The following ADAM9 variants were observed in gnomAD, a reference collection of about 807,000 sequenced individuals.
ADAM9 encodes the protein ADAM metallopeptidase domain 9.
In ADAM9, 54 loss-of-function variants were observed where a neutral mutation model predicts 108.1. That is an observed-to-expected ratio of 0.50 (90% confidence interval 0.40 to 0.63). The LOEUF (loss-of-function observed/expected upper bound fraction) is 0.63, where lower values mean the gene tolerates loss of function less well. Ranked by LOEUF, ADAM9 falls within the 20% of genes least tolerant of loss-of-function variation. The probability of loss-of-function intolerance (pLI) is 0.00; values close to 1 mark genes in which losing one functional copy is unlikely to be tolerated. For synonymous variants in ADAM9, 316 were observed against 336.0 expected (o/e 0.94, Z 0.65); for missense variants, 830 against 997.7 (o/e 0.83, Z 2.26).
intron 20 of ADAM9, 126 bp from the exon 21 acceptor site, chr8:39,101,737 G>A (rs1839701125): frequency 3.6e-6 from 3 of 825,916 alleles, no homozygotes; most frequent in Non-Finnish European, 5.7e-6. Context: ...CTGGTTCTAA[G>A]CATTTCTGAT....
At position 39,073,809 on chromosome 8, in the gene ADAM9, A is replaced by G. The variant is rs559522882; in HGVS notation, c.1697+2406A>G. Among the ~76,000 whole-genome samples the G allele has an allele frequency of 7.2e-5, 11 of 152,286 alleles. No homozygotes were observed. In the East Asian group the frequency reaches 2.1e-3, roughly 29 times the overall value. Reference sequence around the variant, plus strand: ...GCAACTATACTTATCAAACTTTAAAATTACTGAGTCATTTAGGAAGCATTT... The same window carrying G: ...GCAACTATACTTATCAAACTTTAAAGTTACTGAGTCATTTAGGAAGCATTT... On this transcript the variant is annotated intron_variant, in intron 15 of 21. Transcript: ENST00000487273.
intron 6 of ADAM9, among the ~76,000 whole-genome samples, chr8:39,018,055 T>A (rs1385494854): frequency 6.6e-6 from 1 of 152,212 alleles, no homozygotes; most frequent in Non-Finnish European, 1.5e-5. Context: ...TATGTCTGAG[T>A]CCCTCTTTGG....
intron 20 of ADAM9, among the ~76,000 whole-genome samples, chr8:39,091,676 G>A (rs1025435483): frequency 2.0e-5 from 3 of 152,010 alleles, no homozygotes; most frequent in African/African-American, 4.8e-5. Context: ...TCATAGAGAC[G>A]GGGTCTCACC....
At chr8:39,016,420 A>G (rs1836528707) in intron 5 of ADAM9, among the ~76,000 whole-genome samples, 1 of 152,130 alleles carries the variant, frequency 6.6e-6, no homozygotes, top group Admixed American at 6.5e-5. Flanking sequence ...TTTTTTTGAG[A>G]CCACTAAATC....
chr8:39,065,503 T>TA (rs1838432371), intron 14 of ADAM9, among the ~76,000 whole-genome samples: 1 of 151,204 alleles, frequency 6.6e-6, no homozygotes, highest in Admixed American at 6.6e-5. Context: ...AAATACCAAA[T>TA]AAAAAAATTA....
At chr8:39,022,487 CATTGAT>C (rs1427427757) in intron 8 of ADAM9, among the ~76,000 whole-genome samples, 1 of 152,122 alleles carries the variant, frequency 6.6e-6, no homozygotes, top group East Asian at 1.9e-4. Flanking sequence ...TAATCAGACT[CATTGAT>C]ATTTCTGCAG....
intron 1 of ADAM9, among the ~76,000 whole-genome samples, chr8:39,003,042 A>G (rs1014292545): frequency 2.0e-5 from 3 of 151,810 alleles, no homozygotes; most frequent in Non-Finnish European, 4.4e-5. Context: ...AGGCCTGGCT[A>G]ATTTTGCATG....
chr8:39,044,308 T>C (rs1837543528), intron 12 of ADAM9, among the ~76,000 whole-genome samples: 1 of 152,170 alleles, frequency 6.6e-6, no homozygotes, highest in African/African-American at 2.4e-5. Flanking sequence ...TTTTGCATGT[T>C]GATATCCAGT....
At chr8:39,022,039 C>T (rs1261103424) in intron 8 of ADAM9, among the ~76,000 whole-genome samples, 1 of 149,894 alleles carries the variant, frequency 6.7e-6, no homozygotes, top group Non-Finnish European at 1.5e-5. Context: ...CTGCCTTCTA[C>T]CCTGAAAACA....
At chr8:39,083,199 A>C in intron 18 of ADAM9, 126 bp downstream of exon 18, 1 of 748,900 alleles carries the variant, frequency 1.3e-6, no homozygotes, top group Non-Finnish European at 2.3e-6. Context: ...CAGCCTCCTA[A>C]ATTCCTTGTG....
At position 39,040,685 on chromosome 8, in the gene ADAM9, T is replaced by A. The variant is rs184425031; in HGVS notation, c.1131-1261T>A. On this transcript the variant is annotated intron_variant, in intron 11 of 21. Coordinates refer to ENST00000487273, the MANE Select transcript of ADAM9 (RefSeq NM_003816.3). ...ATTTTGTTGGTTGTTATCTTTGCTG[T>A]GCAGAGCTTTTTAGTTTGATAGCTA... Among the ~76,000 whole-genome samples, 3 of 152,330 alleles carry A rather than the reference T, an allele frequency of 2.0e-5. No individual in the cohort carries two copies. In the East Asian group the frequency reaches 5.8e-4, roughly 29 times the overall value.
At chr8:39,099,459 G>A (rs1839615018) in intron 20 of ADAM9, among the ~76,000 whole-genome samples, 1 of 152,004 alleles carries the variant, frequency 6.6e-6, no homozygotes, top group South Asian at 2.1e-4. Flanking sequence ...TGGACATTTG[G>A]TCCACTATTT....
At chr8:39,078,995 C>A (rs974139656) in intron 16 of ADAM9, among the ~76,000 whole-genome samples, 2 of 152,106 alleles carry the variant, frequency 1.3e-5, no homozygotes, top group African/African-American at 4.8e-5. Context: ...TCTCACTGTT[C>A]ACTGGGCATA....
chr8:39,051,958 A>G (rs1488843258), intron 12 of ADAM9, among the ~76,000 whole-genome samples: 3 of 152,150 alleles, frequency 2.0e-5, no homozygotes, highest in African/African-American at 7.2e-5. Flanking sequence ...GTGTATATAT[A>G]CAGATATACA....
At chr8:39,027,440 C>T (rs895505915) in intron 11 of ADAM9, among the ~76,000 whole-genome samples, 1 of 152,202 alleles carries the variant, frequency 6.6e-6, no homozygotes, top group Non-Finnish European at 1.5e-5. Context: ...TATCCACTCA[C>T]TTACTACTCA....
chr8:39,040,525 C>G (rs117540209), intron 11 of ADAM9, among the ~76,000 whole-genome samples: 1 of 151,998 alleles, frequency 6.6e-6, no homozygotes, highest in African/African-American at 2.4e-5. Context: ...TTTTAAAAAT[C>G]GAGTTATTTG....
intron 6 of ADAM9, 172 bp from the exon 7 acceptor site, chr8:39,018,681 A>G: frequency 1.5e-6 from 1 of 655,916 alleles, no homozygotes; most frequent in Non-Finnish European, 2.7e-6. Context: ...TTCATCACTA[A>G]GAAGCAGATA....
chr8:39,066,042 G>A lies in ADAM9; in HGVS notation c.1592-5256G>A, dbSNP rs188417984. Reference sequence around the variant, plus strand: ...TTGGGATAGTTTGCTGAGAATGACGGTTTCCAGCTTCATCCATGTCCCTAC... The same window carrying A: ...TTGGGATAGTTTGCTGAGAATGACGATTTCCAGCTTCATCCATGTCCCTAC... On this transcript the variant is annotated intron_variant, in intron 14 of 21. Transcript: ENST00000487273. Among the ~76,000 whole-genome samples, 710 of 152,180 alleles carry A rather than the reference G, an allele frequency of 4.7e-3. 1 individual carries two copies. Among genetic ancestry groups the A allele is most frequent in the African/African-American group, 0.016 (681 of 41,496 alleles).
rs775553987 is a variant in ADAM9, at chr8:39,037,335, C to T, written c.1131-4611C>T. 2.1e-5 allele frequency among the ~76,000 whole-genome samples: 3 copies of T among 144,232 alleles called. 1 individual carries two copies. The Middle Eastern group carries it at 0.015, about 728-fold the overall frequency. The allele number at this position is 144,232 out of a possible 152,430, so 94.6% of individuals were successfully genotyped here. A position where few individuals can be genotyped will look rare whatever the true frequency, so the allele number is the denominator to read the frequency against. ...AAGTGCTGGGATTACAAGCGTAAGC[C>T]ACCACGCCCGGCCTGCCTGCGCAAG... is the stretch of plus-strand genomic sequence containing the variant. On this transcript the variant is annotated intron_variant, in intron 11 of 21. Coordinates refer to ENST00000487273, the MANE Select transcript of ADAM9 (RefSeq NM_003816.3).
Sources: gnomAD v4.1 joint callset for allele counts (sites outside exome capture counted in the v4.1 genomes callset) on GRCh38, gnomAD v4.1.1 for gene constraint, MANE v1.5 for transcripts, NCBI Gene and HGNC (gene_info 2026-07-23, HGNC 2026-07-21) for gene names.